The following STXBP4 variants were observed in gnomAD, a reference collection of about 807,000 sequenced individuals.
STXBP4 encodes the protein syntaxin-binding protein 4.
A neutral mutation model predicts 76.1 loss-of-function variants in STXBP4; 55 were observed. The observed-to-expected ratio is 0.72, with a 90% CI of 0.58 to 0.91. The LOEUF is 0.91. Among genes scored for constraint, STXBP4 ranks in the 40% least tolerant of loss-of-function variants. The probability of loss-of-function intolerance (pLI) is 0.00; values close to 1 mark genes in which losing one functional copy is unlikely to be tolerated. For missense variants in STXBP4, 618 were observed against 636.9 expected (o/e 0.97, Z 0.32); for synonymous variants, 201 against 220.2 (o/e 0.91, Z 0.77).
intron 12 of STXBP4, among the ~76,000 whole-genome samples, chr17:55,072,434 C>G (rs1655287725): frequency 6.6e-6 from 1 of 152,144 alleles, no homozygotes; most frequent in African/African-American, 2.4e-5. Context: ...AGATTGACGT[C>G]CATGAGATAA....
At chr17:55,133,999 A>AT (rs1447944898) in intron 16 of STXBP4, among the ~76,000 whole-genome samples, 1 of 152,038 alleles carries the variant, frequency 6.6e-6, no homozygotes, top group Non-Finnish European at 1.5e-5. Context: ...TTTGTCTTTA[A>AT]TTTTTTTTAA....
intron 16 of STXBP4, among the ~76,000 whole-genome samples, chr17:55,104,107 A>G (rs959505944): frequency 2.0e-5 from 3 of 152,158 alleles, no homozygotes; most frequent in Admixed American, 6.5e-5. Flanking sequence ...TCCTATTCGA[A>G]TACCCTTTAT....
chr17:55,112,322 T>G (rs10491156), intron 16 of STXBP4, among the ~76,000 whole-genome samples: 2,033 of 152,306 alleles, frequency 0.013, 37 homozygotes, highest in East Asian at 0.045. Context: ...ATTGGCCACC[T>G]GAAATTATGT....
chr17:55,037,859 A>G (rs1244307425), intron 10 of STXBP4, among the ~76,000 whole-genome samples: 1 of 152,190 alleles, frequency 6.6e-6, no homozygotes, highest in Non-Finnish European at 1.5e-5. Flanking sequence ...CTGAAGAAAC[A>G]TTATAAAAAT....
chr17:55,188,193 T>C, the STXBP4 span, among the ~76,000 whole-genome samples: 1 of 152,182 alleles, frequency 6.6e-6, no homozygotes, highest in Non-Finnish European at 1.5e-5. Flanking sequence ...AAATAAATAA[T>C]CAACTAATGT....
chr17:55,118,391 G>T (rs1034696208), intron 16 of STXBP4, among the ~76,000 whole-genome samples: 4 of 151,862 alleles, frequency 2.6e-5, no homozygotes, highest in Non-Finnish European at 5.9e-5. Context: ...ATGAAAGGAG[G>T]CCAGAACAGA....
intron 16 of STXBP4, among the ~76,000 whole-genome samples, chr17:55,115,656 T>A (rs2079772202): frequency 6.6e-6 from 1 of 151,900 alleles, no homozygotes; most frequent in Non-Finnish European, 1.5e-5. Flanking sequence ...GTGATACAAT[T>A]ACTGCAAAAA....
intron 8 of STXBP4, among the ~76,000 whole-genome samples, chr17:55,024,243 C>G (rs1188766822): frequency 6.6e-6 from 1 of 152,192 alleles, no homozygotes; most frequent in African/African-American, 2.4e-5. Context: ...CTGCTCACAT[C>G]GTTTAACCTC....
At chr17:54,979,399 C>T (rs1854845155) in intron 1 of STXBP4, among the ~76,000 whole-genome samples, 1 of 152,164 alleles carries the variant, frequency 6.6e-6, no homozygotes, top group Non-Finnish European at 1.5e-5. Flanking sequence ...TATCAGGAAT[C>T]TGGTTACTTT....
At chr17:55,098,718 A>G (rs1026215919) in intron 16 of STXBP4, among the ~76,000 whole-genome samples, 1 of 152,170 alleles carries the variant, frequency 6.6e-6, no homozygotes, top group East Asian at 1.9e-4. Context: ...GAAAGGCCTT[A>G]CCTAATCACC....
intron 1 of STXBP4, among the ~76,000 whole-genome samples, chr17:54,984,840 C>T (rs2077604566): frequency 6.6e-6 from 1 of 152,096 alleles, no homozygotes; most frequent in South Asian, 2.1e-4. Context: ...GTTTAAGAAG[C>T]ACTGCCCTAA....
intron 16 of STXBP4, among the ~76,000 whole-genome samples, chr17:55,094,593 G>A (rs1487038884): frequency 6.6e-6 from 1 of 152,096 alleles, no homozygotes; most frequent in Non-Finnish European, 1.5e-5. Context: ...CTATTCATGT[G>A]CATATTGTTT....
At chr17:55,190,673 G>C in the STXBP4 span, among the ~76,000 whole-genome samples, 1 of 152,180 alleles carries the variant, frequency 6.6e-6, no homozygotes, top group Non-Finnish European at 1.5e-5. Flanking sequence ...GAGATAATAA[G>C]CATGCCAAGG....
At position 55,056,513 on chromosome 17, in the gene STXBP4, A is replaced by AAG. The variant is rs540111632; in HGVS notation, c.1011+9359_1011+9360insAG. Among the ~76,000 whole-genome samples, 504 of 152,288 alleles carry AAG rather than the reference A, an allele frequency of 3.3e-3. 2 individuals are homozygous for AAG. The highest frequency in any genetic ancestry group is 0.011 in the African/African-American group (469 of 41,570). ...TGTTTACATCCACACTAACAAAACT[A>AAG]TTTTATTTTCTAAGAAGAATTTGTT... On this transcript the variant is annotated intron_variant, in intron 12 of 17. Transcript: ENST00000376352.
intron 16 of STXBP4, among the ~76,000 whole-genome samples, chr17:55,093,310 A>C (rs1234543661): frequency 6.6e-6 from 1 of 152,178 alleles, no homozygotes; most frequent in East Asian, 1.9e-4. Context: ...TTCTTTAATG[A>C]AAGTCAGCTA....
intron 10 of STXBP4, 60 bp from the exon 11 acceptor site, chr17:55,043,176 G>A: frequency 3.7e-6 from 3 of 804,254 alleles, no homozygotes; most frequent in Non-Finnish European, 3.6e-6. Context: ...TGATTTTTAT[G>A]TTACCTCTCA....
At position 55,007,621 on chromosome 17, in the gene STXBP4, T is replaced by C. The variant is rs774738646; in HGVS notation, c.666+24T>C. The C allele has an allele frequency of 5.8e-6, 9 of 1,564,004 alleles. No homozygotes were observed. In the Admixed American group the frequency reaches 1.6e-4, roughly 28 times the overall value. The stretch of plus-strand genomic sequence containing the variant: ...TGGTAAAACCTTTAAATTTTCATTT[T>C]TCTTCCATAAGACAAAAACAGGAAA... On this transcript the variant is annotated intron_variant, in intron 8 of 17. Coordinates refer to ENST00000376352, the MANE Select transcript of STXBP4 (RefSeq NM_178509.6).
chr17:55,130,391 CT>C (rs2079961546), intron 16 of STXBP4, among the ~76,000 whole-genome samples: 1 of 152,046 alleles, frequency 6.6e-6, no homozygotes, highest in Non-Finnish European at 1.5e-5. Flanking sequence ...AAGCTTTTAT[CT>C]TTTTTAATTG....
At chr17:55,175,266 C>T (rs1301863526), downstream of STXBP4, among the ~76,000 whole-genome samples, 1 of 152,186 alleles carries the variant, frequency 6.6e-6, no homozygotes, top group African/African-American at 2.4e-5. Flanking sequence ...CTGCTTGGAA[C>T]AGTGTGATTT....
Sources: allele counts gnomAD v4.1 joint callset (sites outside exome capture counted in the v4.1 genomes callset), GRCh38; gene constraint gnomAD v4.1.1; transcripts MANE v1.5; gene names NCBI Gene and HGNC (gene_info 2026-07-23, HGNC 2026-07-21).